CRTAC1: variants seen among roughly 807,000 people sequenced by gnomAD.
CRTAC1 encodes the protein cartilage acidic protein 1.
A neutral mutation model predicts 67.8 loss-of-function variants in CRTAC1; 37 were observed. The ratio of observed to expected loss-of-function variants is 0.55; its 90% CI spans 0.42 to 0.72. CRTAC1 has a LOEUF of 0.72. Among genes scored for constraint, CRTAC1 ranks in the 30% least tolerant of loss-of-function variants. The pLI is 0.00. For missense variants in CRTAC1, 780 were observed against 931.6 expected (o/e 0.84, Z 2.12); for synonymous variants, 348 against 371.0 (o/e 0.94, Z 0.71).
At chr10:97,999,982 G>A (rs1341633561) in intron 2 of CRTAC1, among the ~76,000 whole-genome samples, 1 of 152,176 alleles carries the variant, frequency 6.6e-6, no homozygotes, top group Non-Finnish European at 1.5e-5. Context: ...ACCAGCTGCA[G>A]AGAGGAGTTA....
intron 2 of CRTAC1, among the ~76,000 whole-genome samples, chr10:97,946,092 C>T (rs576396880): frequency 6.6e-6 from 1 of 152,126 alleles, no homozygotes; most frequent in Non-Finnish European, 1.5e-5. Context: ...ATGACGAAGA[C>T]CATAACTCCA....
chr10:97,882,931 G>C (rs997521905), intron 12 of CRTAC1, 103 bp from the exon 13 acceptor site: 7 of 1,182,956 alleles, frequency 5.9e-6, no homozygotes, highest in Non-Finnish European at 8.7e-6. Flanking sequence ...TAACCACAGT[G>C]TGAGGCATGC....
intron 11 of CRTAC1, among the ~76,000 whole-genome samples, chr10:97,885,781 T>A (rs1488213705): frequency 6.6e-6 from 1 of 152,170 alleles, no homozygotes; most frequent in Non-Finnish European, 1.5e-5. Flanking sequence ...TGAGCAGATG[T>A]GGGGACACGG....
chr10:97,865,588 A>G lies in CRTAC1; in HGVS notation c.1946T>C (p.Leu649Pro), dbSNP rs767146682. Residue 649 changes from leucine to proline, a missense_variant, in exon 15 of 15, where the codon CTG (leucine) becomes CCG (proline). Coordinates refer to ENST00000370597, the MANE Select transcript of CRTAC1 (RefSeq NM_018058.7). The part of the protein sequence containing the change: ...APVLVDGDLN[L>P]GSVVKESCEP... ...GCAGCTCTCCTTAACCACCGACCCCAGATTGAGATCTCCATCTACGAGGAC... is the reference window on the plus strand; with the variant it reads ...GCAGCTCTCCTTAACCACCGACCCCGGATTGAGATCTCCATCTACGAGGAC... 6.2e-7 allele frequency: 1 copy of G among 1,613,174 alleles called. No individual in the cohort carries two copies. Among genetic ancestry groups the G allele is most frequent in the South Asian group, 1.1e-5 (1 of 91,026 alleles).
intron 5 of CRTAC1, among the ~76,000 whole-genome samples, chr10:97,910,319 G>A (rs547611658): frequency 4.6e-5 from 7 of 152,286 alleles, no homozygotes; most frequent in Admixed American, 3.3e-4. Context: ...CTGTATGAAA[G>A]GGCTCTGTGG....
At chr10:97,952,399 G>A (rs190270607) in intron 2 of CRTAC1, among the ~76,000 whole-genome samples, 77 of 151,232 alleles carry the variant, frequency 5.1e-4, no homozygotes, top group African/African-American at 1.8e-3. Context: ...TTAGTGAGGC[G>A]AGTTGGTGGG....
At chr10:97,980,601 C>T (rs989382746) in intron 2 of CRTAC1, among the ~76,000 whole-genome samples, 4 of 152,152 alleles carry the variant, frequency 2.6e-5, no homozygotes, top group Admixed American at 1.3e-4. Flanking sequence ...TGAAGACATT[C>T]GATCATGTAG....
chr10:97,872,997 G>A (rs1433233238), intron 14 of CRTAC1, among the ~76,000 whole-genome samples: 1 of 152,174 alleles, frequency 6.6e-6, no homozygotes, highest in Non-Finnish European at 1.5e-5. Flanking sequence ...TAAACGTCCT[G>A]GCACAGATTT....
chr10:97,899,655 G>T (rs1351390185), intron 8 of CRTAC1, among the ~76,000 whole-genome samples: 2 of 152,200 alleles, frequency 1.3e-5, no homozygotes, highest in African/African-American at 4.8e-5. Flanking sequence ...GCCTTCAGGG[G>T]GTGATTACAT....
chr10:97,879,764 G>C (rs990212296), intron 14 of CRTAC1: 26 of 1,550,028 alleles, frequency 1.7e-5, no homozygotes, highest in Non-Finnish European at 2.1e-5. Context: ...AGATTCTAGA[G>C]GCGGCTGAAG....
At chr10:97,934,828 C>T (rs2051057808) in intron 3 of CRTAC1, among the ~76,000 whole-genome samples, 1 of 152,094 alleles carries the variant, frequency 6.6e-6, no homozygotes, top group South Asian at 2.1e-4. Flanking sequence ...CAGGGCCCTA[C>T]ATCCCTCACA....
intron 2 of CRTAC1, among the ~76,000 whole-genome samples, chr10:97,941,846 T>C (rs2051182088): frequency 6.6e-6 from 1 of 152,212 alleles, no homozygotes; most frequent in Non-Finnish European, 1.5e-5. Flanking sequence ...TAAAACCCTT[T>C]GGTGGCTTCC....
chr10:97,976,104 A>G (rs1031773595), intron 2 of CRTAC1, among the ~76,000 whole-genome samples: 1 of 152,184 alleles, frequency 6.6e-6, no homozygotes, highest in Non-Finnish European at 1.5e-5. Context: ...TCGGAAAGGC[A>G]GGCCGCCGCA....
chr10:97,920,086 T>A (rs1419241002), intron 4 of CRTAC1, among the ~76,000 whole-genome samples: 5 of 152,214 alleles, frequency 3.3e-5, no homozygotes, highest in South Asian at 2.1e-4. Context: ...CTTTGAGAAG[T>A]TCTCAGCCAT....
rs138298253 is a variant in CRTAC1, at chr10:97,885,035, C to A, written c.1487-684G>T. Among the ~76,000 whole-genome samples the A allele has an allele frequency of 1.3e-3, 199 of 152,342 alleles. 2 individuals carry two copies. Among genetic ancestry groups the A allele is most frequent in the African/African-American group, 4.6e-3 (193 of 41,586 alleles). On this transcript the variant is annotated intron_variant, in intron 11 of 14. Coordinates refer to ENST00000370597, the MANE Select transcript of CRTAC1 (RefSeq NM_018058.7). Reference sequence around the variant, plus strand: ...GATGCCCCTGTTCTCATGGAGTTCCCAGTCCAGTTGGGGAGACAAGCAAAC... The same window carrying A: ...GATGCCCCTGTTCTCATGGAGTTCCAAGTCCAGTTGGGGAGACAAGCAAAC...
intron 11 of CRTAC1, among the ~76,000 whole-genome samples, chr10:97,887,320 C>A (rs1284578875): frequency 6.6e-6 from 1 of 150,866 alleles, no homozygotes; most frequent in Non-Finnish European, 1.5e-5. Context: ...CAGTTCACCA[C>A]AACCTCCGCC....
Position 97,990,946 on chromosome 10 carries a change from A to G in CRTAC1, c.224+20192T>C, listed in dbSNP as rs139290348. Among the ~76,000 whole-genome samples the G allele has an allele frequency of 3.9e-5, 6 of 152,156 alleles. No homozygotes were observed. The East Asian group carries it at 1.2e-3, about 29-fold the overall frequency. ...ACGACTGCTTTAAAAATTAACAACA[A>G]AAGATATATAGGTCTAATTAAAAAA... is the stretch of plus-strand genomic sequence containing the variant. On this transcript the variant is annotated intron_variant, in intron 2 of 14. Transcript: ENST00000370597.
At chr10:97,879,151 C>T (rs2050179755) in intron 14 of CRTAC1, among the ~76,000 whole-genome samples, 2 of 152,112 alleles carry the variant, frequency 1.3e-5, no homozygotes, top group African/African-American at 4.8e-5. Context: ...GGCTGGAAGG[C>T]TTAGCAAGTT....
At chr10:97,973,365 T>G (rs936365275) in intron 2 of CRTAC1, among the ~76,000 whole-genome samples, 4 of 152,134 alleles carry the variant, frequency 2.6e-5, no homozygotes, top group African/African-American at 9.7e-5. Context: ...GGAAATGCTC[T>G]TTTTCGTGCC....
Sources: gnomAD v4.1 joint callset for allele counts (sites outside exome capture counted in the v4.1 genomes callset) on GRCh38, gnomAD v4.1.1 for gene constraint, MANE v1.5 for transcripts, NCBI Gene and HGNC (gene_info 2026-07-23, HGNC 2026-07-21) for gene names.